ESPNL: variants seen among roughly 807,000 people sequenced by gnomAD.
The protein encoded by ESPNL is espin like.
In ESPNL, 49 loss-of-function variants were observed where a neutral mutation model predicts 46.8. That is an observed-to-expected ratio of 1.05 (90% CI 0.83 to 1.33). The LOEUF (loss-of-function observed/expected upper bound fraction) is 1.33, where lower values mean the gene tolerates loss of function less well. Among genes scored for constraint, ESPNL ranks in the 40% most tolerant of loss-of-function variants. ESPNL has a pLI of 0.00. For synonymous variants in ESPNL, 664 were observed against 662.1 expected (o/e 1.00, Z -0.04); for missense variants, 1,540 against 1,436.6 (o/e 1.07, Z -1.16).
At chr2:238,105,844 C>G (rs983471257) in intron 3 of ESPNL, among the ~76,000 whole-genome samples, 4 of 152,106 alleles carry the variant, frequency 2.6e-5, no homozygotes, top group African/African-American at 9.7e-5. Context: ...TGCCTGCCCC[C>G]AGACCTCCCA....
At chr2:238,122,344 G>A (rs577988474) in intron 5 of ESPNL, among the ~76,000 whole-genome samples, 1 of 152,344 alleles carries the variant, frequency 6.6e-6, no homozygotes, top group East Asian at 1.9e-4. Context: ...TACCGAGGGT[G>A]GCAGCAGCGT....
Position 238,104,776 on chromosome 2 carries a change from T to C in ESPNL, c.606T>C (p.Ala202=). ...KDCGADVHLR[A]LDGMSALHAA... ...GTGGCGCTGACGTGCACCTTCGTGC[T>C]CTCGATGGCATGAGCGCCCTGCACG... is the stretch of plus-strand genomic sequence containing the variant. Residue 202 remains alanine, a synonymous_variant, in exon 3 of 9, where the codon GCT becomes GCC. Coordinates refer to ENST00000343063, the MANE Select transcript of ESPNL (RefSeq NM_194312.4). The C allele has an allele frequency of 1.3e-6, 2 of 1,597,998 alleles. No individual in the cohort carries two copies. The highest frequency in any genetic ancestry group is 1.7e-6 in the Non-Finnish European group (2 of 1,174,080).
rs1001485065 is a variant in ESPNL, at chr2:238,129,255, G to A, written c.1413+351G>A. The A allele has an allele frequency of 6.7e-6, 8 of 1,192,244 alleles. No homozygotes were observed. In the African/African-American group the frequency reaches 7.9e-5, roughly 12 times the overall value. 73.9% of individuals were successfully genotyped at this position (1,192,244 alleles called of 1,614,324 possible). ...AGGTGCCGGCAGGTGTGTGGGGTGC[G>A]ATTCCCACTGCTGTGGAGAAAGCAA... On this transcript the variant is annotated intron_variant, in intron 8 of 8. Transcript: ENST00000343063.
intron 3 of ESPNL, among the ~76,000 whole-genome samples, chr2:238,106,201 C>T (rs536892900): frequency 6.7e-4 from 102 of 152,368 alleles, no homozygotes; most frequent in Middle Eastern, 6.8e-3. Flanking sequence ...CCGCACCTGG[C>T]ACGCAGTCAG....
At position 238,128,600 on chromosome 2, in the gene ESPNL, G is replaced by T. The variant is rs1037731821; in HGVS notation, c.1216-107G>T. 4.6e-6 allele frequency: 5 copies of T among 1,080,898 alleles called. No individual in the cohort carries two copies. The African/African-American group carries it at 4.7e-5, about 10-fold the overall frequency. The allele number at this position is 1,080,898 out of a possible 1,614,324, so 67.0% of individuals were successfully genotyped here. A position where few individuals can be genotyped will look rare whatever the true frequency, so the allele number is the denominator to read the frequency against. On this transcript the variant is annotated intron_variant, in intron 7 of 8. Coordinates refer to ENST00000343063, the MANE Select transcript of ESPNL (RefSeq NM_194312.4). ...ACTGTCCCTCCTCTCAGGGCGCCCT[G>T]TTAGCGTGCCCTGGGCGGAGCCAAC...
chr2:238,128,565 C>T (rs762356015), intron 7 of ESPNL, 142 bp from the exon 8 acceptor site: 21 of 695,320 alleles, frequency 3.0e-5, no homozygotes, highest in Non-Finnish European at 4.3e-5. Context: ...GGGTGCTGTC[C>T]GTGGCCCCCA....
chr2:238,124,581 G>A (rs1574741539), intron 5 of ESPNL, among the ~76,000 whole-genome samples: 1 of 151,820 alleles, frequency 6.6e-6, no homozygotes, highest in Non-Finnish European at 1.5e-5. Context: ...GTACGTGTGT[G>A]TGTGTGCAGG....
At chr2:238,111,526 T>A (rs1456453193) in intron 4 of ESPNL, among the ~76,000 whole-genome samples, 1 of 152,222 alleles carries the variant, frequency 6.6e-6, no homozygotes, top group African/African-American at 2.4e-5. Context: ...CTCATATAAG[T>A]GGAATTGTAC....
At position 238,131,444 on chromosome 2, in the gene ESPNL, CG is replaced by C; in HGVS notation, c.2732del (p.Gly911AlafsTer35). On this transcript the variant is annotated frameshift_variant, in exon 9 of 9. Coordinates refer to ENST00000343063, the MANE Select transcript of ESPNL (RefSeq NM_194312.4). LOFTEE classifies it low-confidence loss of function (END_TRUNC). ...AGGCCGTGACCGACGAGGTGGCCGCCGGCCGCCGGGCCTGGACCGACGGCTT... is the reference window on the plus strand; with the variant it reads ...AGGCCGTGACCGACGAGGTGGCCGCCGCCGCCGGGCCTGGACCGACGGCTT... ...HKAVTDEVAA[G>X]RRAWTDGFED... 6.2e-7 allele frequency: 1 copy of C among 1,609,328 alleles called. No individual in the cohort carries two copies. The highest frequency in any genetic ancestry group is 2.2e-5 in the East Asian group (1 of 44,756).
Position 238,131,296 on chromosome 2 carries a change from G to T in ESPNL, c.2582G>T (p.Gly861Val). The change falls in exon 9 of 9, where the codon GGT (glycine) becomes GTT (valine). Residue 861 changes from glycine (G) to valine (V), a missense_variant. Coordinates refer to ENST00000343063, the MANE Select transcript of ESPNL (RefSeq NM_194312.4). ...CTCTCACTGGATCTCTTCATGCTGG[G>T]TTACTTCCAGCTGCTGGAGTGCGAC... is the stretch of plus-strand genomic sequence containing the variant. ...SSLSLDLFML[G>V]YFQLLECDLP... 1 of 1,582,092 alleles carries T rather than the reference G, an allele frequency of 6.3e-7. No homozygotes were observed. Among genetic ancestry groups the T allele is most frequent in the Non-Finnish European group, 8.6e-7 (1 of 1,165,232 alleles).
rs1039322147 is a variant in ESPNL at position 238,114,347 on chromosome 2, A to T, written c.856-2556A>T. On this transcript the variant is annotated intron_variant, in intron 4 of 8. Coordinates refer to ENST00000343063, the MANE Select transcript of ESPNL (RefSeq NM_194312.4). This position sits in a 1 kb window ranked among gnomAD's most constrained non-coding sequence, Gnocchi z 5.0. Reference sequence around the variant, plus strand: ...CGTGACACCCCTCATACTCCTGCAGACCCCGTAACTCCCCTCCTCCGCATC... The same window carrying T: ...CGTGACACCCCTCATACTCCTGCAGTCCCCGTAACTCCCCTCCTCCGCATC... 6.6e-6 allele frequency among the ~76,000 whole-genome samples: 1 copy of T among 151,254 alleles called. No individual in the cohort carries two copies. The highest frequency in any genetic ancestry group is 2.4e-5 in the African/African-American group (1 of 41,086).
chr2:238,104,518 C>T (rs7601353), intron 2 of ESPNL, 138 bp from the exon 3 acceptor site: 89,351 of 1,016,714 alleles, frequency 0.088, 8,503 homozygotes, highest in East Asian at 0.39. Flanking sequence ...GGGGGAACCC[C>T]GCAGCAGCAG....
intron 6 of ESPNL, among the ~76,000 whole-genome samples, chr2:238,126,051 TG>T (rs1480680548): frequency 8.5e-6 from 1 of 117,550 alleles, no homozygotes; most frequent in Non-Finnish European, 2.0e-5. Context: ...ATTATGTCTG[TG>T]TGTATGTGTG....
In ESPNL at chr2:238,130,739, G is replaced by A; in HGVS notation, c.2025G>A (p.Glu675=). 1 of 1,564,548 alleles carries A rather than the reference G, an allele frequency of 6.4e-7. No individual in the cohort carries two copies. The highest frequency in any genetic ancestry group is 2.3e-5 in the East Asian group (1 of 42,762). The change falls in exon 9 of 9, where the codon GAG becomes GAA. Residue 675 remains glutamate, a synonymous_variant. Transcript: ENST00000343063. Reference sequence around the variant, plus strand: ...GTGGCTTCAACCCTGGCCCCTGCGAGCCGGGGGCCCAGCACAGGCAGTGCC... The same window carrying A: ...GTGGCTTCAACCCTGGCCCCTGCGAACCGGGGGCCCAGCACAGGCAGTGCC... ...PLCGFNPGPC[E]PGAQHRQCLS...
intron 5 of ESPNL, among the ~76,000 whole-genome samples, chr2:238,123,321 C>CA (rs1188574201): frequency 6.6e-6 from 1 of 152,234 alleles, no homozygotes; most frequent in Non-Finnish European, 1.5e-5. Context: ...CTGGAGGGAG[C>CA]AAAGACTGAG....
At chr2:238,101,169 T>A (rs1357942123) in intron 1 of ESPNL, among the ~76,000 whole-genome samples, 1 of 152,176 alleles carries the variant, frequency 6.6e-6, no homozygotes, top group Non-Finnish European at 1.5e-5. Context: ...CCCCCTCCCC[T>A]ATCCTGCCTG....
chr2:238,122,268 C>A (rs1412067492), intron 5 of ESPNL, among the ~76,000 whole-genome samples: 1 of 152,250 alleles, frequency 6.6e-6, no homozygotes, highest in African/African-American at 2.4e-5. Context: ...GGTGTGGTTA[C>A]TCCCGTTGCC....
intron 4 of ESPNL, among the ~76,000 whole-genome samples, chr2:238,110,940 T>C (rs1017126461): frequency 2.7e-5 from 4 of 147,976 alleles, no homozygotes; most frequent in Non-Finnish European, 4.5e-5. Context: ...GTATATCACA[T>C]TAGTTATTCT....
Position 238,131,264 on chromosome 2 carries a change from C to T in ESPNL, c.2550C>T (p.Tyr850=), listed in dbSNP as rs1258067096. 6.3e-7 allele frequency: 1 copy of T among 1,576,764 alleles called. No individual in the cohort carries two copies. The change falls in exon 9 of 9, where the codon TAC becomes TAT. Residue 850 remains tyrosine, a synonymous_variant. Transcript: ENST00000343063. Reference sequence around the variant, plus strand: ...ACGTGGACGGGGCTCCGGTGCCCTACAGCAGCCTCTCACTGGATCTCTTCA... The same window carrying T: ...ACGTGGACGGGGCTCCGGTGCCCTATAGCAGCCTCTCACTGGATCTCTTCA... The part of the protein sequence containing the change: ...LPHVDGAPVP[Y]SSLSLDLFML...
Sources: allele counts gnomAD v4.1 joint callset (sites outside exome capture counted in the v4.1 genomes callset), GRCh38; gene constraint gnomAD v4.1.1; non-coding constraint Gnocchi (gnomAD v3.1); transcripts MANE v1.5; gene names NCBI Gene and HGNC (gene_info 2026-07-23, HGNC 2026-07-21).